ANKS1B: variants seen among roughly 807,000 people sequenced by gnomAD.
ANKS1B encodes the protein ankyrin repeat and sterile alpha motif domain-containing protein 1B.
ANKS1B carries 36 observed loss-of-function variants against 148.3 expected under a neutral mutation model. The ratio of observed to expected loss-of-function variants is 0.24; its 90% confidence interval spans 0.19 to 0.32. ANKS1B has a LOEUF of 0.32. Among genes scored for constraint, ANKS1B ranks in the 10% least tolerant of loss-of-function variants. ANKS1B has a pLI of 1.00. For synonymous variants in ANKS1B, 542 were observed against 560.8 expected, an observed-to-expected ratio of 0.97 and a Z score of 0.47; for missense variants, 1,157 against 1,542.6, an observed-to-expected ratio of 0.75 and a Z score of 4.19.
intron 10 of ANKS1B, among the ~76,000 whole-genome samples, chr12:99,460,152 A>C (rs2095927560): frequency 6.6e-6 from 1 of 152,128 alleles, no homozygotes; most frequent in Non-Finnish European, 1.5e-5. Flanking sequence ...AGCAAACAAA[A>C]ATATAAAGTG....
intron 12 of ANKS1B, among the ~76,000 whole-genome samples, chr12:99,263,562 G>C (rs1289636553): frequency 6.6e-6 from 1 of 152,070 alleles, no homozygotes; most frequent in African/African-American, 2.4e-5. Context: ...AAAGAGATAG[G>C]TTGTTTTCTA....
At chr12:99,893,698 A>T (rs1402402954) in intron 1 of ANKS1B, among the ~76,000 whole-genome samples, 1 of 152,202 alleles carries the variant, frequency 6.6e-6, no homozygotes, top group Non-Finnish European at 1.5e-5. Context: ...GACCATGTGT[A>T]TCCAATGTTT....
intron 9 of ANKS1B, among the ~76,000 whole-genome samples, chr12:99,551,751 T>C (rs889718531): frequency 1.1e-4 from 16 of 152,178 alleles, no homozygotes; most frequent in Admixed American, 8.5e-4. Context: ...ATCTCTGGCA[T>C]GAATTAGTGT....
intron 10 of ANKS1B, among the ~76,000 whole-genome samples, chr12:99,453,638 G>A (rs530049849): frequency 2.0e-5 from 3 of 152,128 alleles, no homozygotes; most frequent in Admixed American, 6.6e-5. Flanking sequence ...GAGGCATCCC[G>A]CTAAGTCCCT....
chr12:98,818,188 C>A (rs1364119898), intron 19 of ANKS1B, among the ~76,000 whole-genome samples: 1 of 124,572 alleles, frequency 8.0e-6, no homozygotes, highest in Admixed American at 9.0e-5. Flanking sequence ...TTCCTCTCTT[C>A]CTCTCTTCCT....
At chr12:99,112,481 T>TC (rs2060492090) in intron 15 of ANKS1B, among the ~76,000 whole-genome samples, 1 of 151,890 alleles carries the variant, frequency 6.6e-6, no homozygotes, top group African/African-American at 2.4e-5. Flanking sequence ...ATCTTGTCTT[T>TC]TTTGTTGTTG....
At chr12:99,294,936 ATAAC>A (rs1212930557) in intron 12 of ANKS1B, among the ~76,000 whole-genome samples, 1 of 152,238 alleles carries the variant, frequency 6.6e-6, no homozygotes, top group Non-Finnish European at 1.5e-5. Context: ...ACATTTTAAA[ATAAC>A]TAAAAGAATA....
intron 12 of ANKS1B, among the ~76,000 whole-genome samples, chr12:99,303,357 T>A (rs2081932055): frequency 6.6e-6 from 1 of 152,132 alleles, no homozygotes. Context: ...ATTTTCTTAG[T>A]CAACCTCCCA....
intron 8 of ANKS1B, among the ~76,000 whole-genome samples, chr12:99,690,712 C>T (rs2098674602): frequency 6.6e-6 from 1 of 152,182 alleles, no homozygotes; most frequent in Non-Finnish European, 1.5e-5. Flanking sequence ...GGGTACAGCC[C>T]CCATACTGGC....
intron 22 of ANKS1B, chr12:98,794,845 G>C (rs916700153): frequency 6.2e-7 from 1 of 1,602,484 alleles, no homozygotes; most frequent in Non-Finnish European, 8.5e-7. Context: ...GAAAGTTCAG[G>C]ATATCAAAGA....
intron 15 of ANKS1B, among the ~76,000 whole-genome samples, chr12:99,147,590 T>C (rs1219069491): frequency 2.0e-5 from 3 of 152,172 alleles, no homozygotes; most frequent in Non-Finnish European, 2.9e-5. Context: ...TAACATTTAC[T>C]GGGCATTTAT....
At chr12:99,956,277 CAAA>C (rs60549978) in intron 1 of ANKS1B, among the ~76,000 whole-genome samples, 6 of 90,134 alleles carry the variant, frequency 6.7e-5, no homozygotes, top group Non-Finnish European at 8.9e-5. Context: ...GACTCTGTCT[CAAA>C]AAAAAAAAAA....
chr12:99,772,002 T>C (rs2063238010), intron 8 of ANKS1B, among the ~76,000 whole-genome samples: 2 of 152,182 alleles, frequency 1.3e-5, no homozygotes, highest in Non-Finnish European at 2.9e-5. Flanking sequence ...TAAAGTATGA[T>C]ATATCTGTAA....
At chr12:98,926,066 C>T (rs1044394468) in intron 17 of ANKS1B, among the ~76,000 whole-genome samples, 1 of 152,086 alleles carries the variant, frequency 6.6e-6, no homozygotes, top group African/African-American at 2.4e-5. Context: ...GGGCTGTGCA[C>T]GTTCCCAGAA....
At chr12:99,546,692 T>C (rs2097175447) in intron 9 of ANKS1B, among the ~76,000 whole-genome samples, 1 of 152,216 alleles carries the variant, frequency 6.6e-6, no homozygotes. Flanking sequence ...TTAAGGGTTC[T>C]ACTTTATGCA....
chr12:99,530,990 T>A (rs1386377402), intron 9 of ANKS1B, among the ~76,000 whole-genome samples: 2 of 152,226 alleles, frequency 1.3e-5, no homozygotes, highest in Non-Finnish European at 2.9e-5. Flanking sequence ...GACATATTCC[T>A]GCCTCTGTCT....
intron 9 of ANKS1B, among the ~76,000 whole-genome samples, chr12:99,641,064 T>C (rs978655841): frequency 2.0e-5 from 3 of 150,396 alleles, no homozygotes; most frequent in Non-Finnish European, 2.9e-5. Context: ...TCTGAGCACA[T>C]ACAAATTAAC....
At chr12:99,292,797 T>C (rs1307028354) in intron 12 of ANKS1B, among the ~76,000 whole-genome samples, 1 of 152,174 alleles carries the variant, frequency 6.6e-6, no homozygotes, top group East Asian at 1.9e-4. Context: ...AAAACCACAA[T>C]GAGATACCAT....
intron 11 of ANKS1B, among the ~76,000 whole-genome samples, chr12:99,436,782 C>T (rs1341539262): frequency 6.6e-6 from 1 of 151,996 alleles, no homozygotes; most frequent in Non-Finnish European, 1.5e-5. Context: ...CTGATCTAAA[C>T]ATGGTCCATT....
Sources: gnomAD v4.1 joint callset for allele counts (sites outside exome capture counted in the v4.1 genomes callset) on GRCh38, gnomAD v4.1.1 for gene constraint, MANE v1.5 for transcripts, NCBI Gene and HGNC (gene_info 2026-07-23, HGNC 2026-07-21) for gene names.